The following DCAF6 variants were observed in gnomAD, a reference collection of about 807,000 sequenced individuals.
DCAF6 encodes DDB1 and CUL4 associated factor 6, also known as DDB1- and CUL4-associated factor 6.
In DCAF6, 54 loss-of-function variants were observed where a neutral mutation model predicts 125.1. That is an observed-to-expected ratio of 0.43 (90% CI 0.35 to 0.54). DCAF6 has a LOEUF of 0.54. Among genes scored for constraint, DCAF6 ranks in the 20% least tolerant of loss-of-function variants. The pLI is 0.01. For synonymous variants in DCAF6, 371 were observed against 390.4 expected (o/e 0.95, Z 0.58); for missense variants, 934 against 1,161.7 (o/e 0.80, Z 2.85).
At chr1:167,936,606 G>C (rs2102576728), upstream of DCAF6, 1 of 353,038 alleles carries the variant, frequency 2.8e-6, no homozygotes, top group East Asian at 6.7e-5. Context: ...ACGAGGAGAG[G>C]GAGGAGTCGC....
intron 2 of DCAF6, among the ~76,000 whole-genome samples, chr1:167,956,917 T>C (rs558634367): frequency 6.6e-6 from 1 of 152,304 alleles, no homozygotes; most frequent in East Asian, 1.9e-4. Flanking sequence ...GAGAACATAC[T>C]TTCAATGACT....
intron 7 of DCAF6, among the ~76,000 whole-genome samples, chr1:168,001,636 ATAT>A (rs1199028259): frequency 2.6e-5 from 4 of 152,152 alleles, no homozygotes; most frequent in Non-Finnish European, 5.9e-5. Context: ...TGAAGTTGAA[ATAT>A]TGTTTTTTTT....
intron 11 of DCAF6, among the ~76,000 whole-genome samples, chr1:168,021,522 C>G (rs1465325050): frequency 1.3e-5 from 2 of 152,012 alleles, no homozygotes; most frequent in Non-Finnish European, 2.9e-5. Context: ...AAGTAAAGCA[C>G]GAATAGATTA....
chr1:168,048,580 A>C (rs1010276689), intron 16 of DCAF6, among the ~76,000 whole-genome samples: 14 of 152,210 alleles, frequency 9.2e-5, no homozygotes, highest in African/African-American at 3.4e-4. Flanking sequence ...GAGATCAAGC[A>C]TGAGAAGGAA....
At chr1:167,948,481 C>T (rs759585689) in intron 1 of DCAF6, among the ~76,000 whole-genome samples, 3 of 152,018 alleles carry the variant, frequency 2.0e-5, no homozygotes, top group Non-Finnish European at 4.4e-5. Context: ...CATTTCTTGC[C>T]CCAACCATCT....
At chr1:168,021,350 G>T (rs564103249) in intron 11 of DCAF6, among the ~76,000 whole-genome samples, 2 of 152,148 alleles carry the variant, frequency 1.3e-5, no homozygotes, top group East Asian at 1.9e-4. Context: ...AGATTTTTAG[G>T]AGAGTTTCCC....
the DCAF6 span, among the ~76,000 whole-genome samples, chr1:167,864,915 T>C: frequency 6.9e-6 from 1 of 145,078 alleles, no homozygotes; most frequent in Non-Finnish European, 1.5e-5. Flanking sequence ...AAAAAAGAGC[T>C]GTGGGAAGGC....
At chr1:167,986,617 A>T (rs1423443600) in intron 4 of DCAF6, among the ~76,000 whole-genome samples, 1 of 152,198 alleles carries the variant, frequency 6.6e-6, no homozygotes, top group Non-Finnish European at 1.5e-5. Context: ...TTAGCTTCTC[A>T]TAAGGAGTGC....
the DCAF6 span, among the ~76,000 whole-genome samples, chr1:167,906,750 C>T: frequency 6.6e-6 from 1 of 152,172 alleles, no homozygotes; most frequent in East Asian, 1.9e-4. Flanking sequence ...GATCGTGTCA[C>T]TGCACTCTAT....
At chr1:167,981,263 A>T (rs900347878) in intron 4 of DCAF6, among the ~76,000 whole-genome samples, 11 of 152,078 alleles carry the variant, frequency 7.2e-5, no homozygotes, top group Non-Finnish European at 1.2e-4. Flanking sequence ...TAGATCTTTA[A>T]TCCGTTTTGA....
chr1:168,015,942 C>T lies in DCAF6; in HGVS notation c.1540C>T (p.His514Tyr). The change falls in exon 11 of 22, where the codon CAT becomes TAT. Residue 514 changes from histidine to tyrosine, a missense_variant. This residue lies in a region of DCAF6 where 559 missense variants were observed against 635.5 expected (regional missense o/e 0.88). Coordinates refer to ENST00000367840, the MANE Select transcript of DCAF6 (RefSeq NM_001198956.2). Reference sequence around the variant, plus strand: ...TCATGAGGGCTCTTCACAGGACCCTCATGCTTCAGGTTATTAATGTCAAGT... The same window carrying T: ...TCATGAGGGCTCTTCACAGGACCCTTATGCTTCAGGTTATTAATGTCAAGT... ...SSHEGSSQDP[H>Y]ASDSPSSVVN... 1.3e-6 allele frequency: 2 copies of T among 1,497,744 alleles called. No individual in the cohort carries two copies. Among genetic ancestry groups the T allele is most frequent in the South Asian group, 1.3e-5 (1 of 76,306 alleles). The allele number at this position is 1,497,744 out of a possible 1,614,324, so 92.8% of individuals were successfully genotyped here. A position where few individuals can be genotyped will look rare whatever the true frequency, so the allele number is the denominator to read the frequency against.
chr1:167,942,629 AT>A (rs1672430563), intron 1 of DCAF6, among the ~76,000 whole-genome samples: 1 of 151,872 alleles, frequency 6.6e-6, no homozygotes, highest in Admixed American at 6.6e-5. Context: ...GGTAACAAAG[AT>A]TTTTACTTTT....
intron 1 of DCAF6, among the ~76,000 whole-genome samples, chr1:167,950,070 G>A (rs563974185): frequency 3.8e-4 from 58 of 152,282 alleles, no homozygotes; most frequent in Non-Finnish European, 7.1e-4. Context: ...AAGAGTTCTT[G>A]CTAAAACAGC....
chr1:167,903,792 C>T, the DCAF6 span: 1 of 883,738 alleles, frequency 1.1e-6, no homozygotes, highest in Non-Finnish European at 1.9e-6. Flanking sequence ...AGGAGGAGTG[C>T]TAAGCAATTG....
intron 4 of DCAF6, among the ~76,000 whole-genome samples, chr1:167,976,356 C>G (rs1407054519): frequency 2.0e-5 from 3 of 152,110 alleles, no homozygotes; most frequent in African/African-American, 7.2e-5. Flanking sequence ...GTAATACCAG[C>G]TACTTGGGAG....
Position 167,955,239 on chromosome 1 carries a change from C to T in DCAF6, c.159+3378C>T, listed in dbSNP as rs79823681. Among the ~76,000 whole-genome samples, 1,276 of 152,224 alleles carry T rather than the reference C, an allele frequency of 8.4e-3. 19 individuals carry two copies. The highest frequency in any genetic ancestry group is 0.03 in the African/African-American group (1,228 of 41,528). ...TACAAATAAAGTTGCCATGAATATT[C>T]GTGTTGCGTCTTTGTATGAACATAT... is the stretch of plus-strand genomic sequence containing the variant. On this transcript the variant is annotated intron_variant, in intron 2 of 21. Coordinates refer to ENST00000367840, the MANE Select transcript of DCAF6 (RefSeq NM_001198956.2).
the DCAF6 span, among the ~76,000 whole-genome samples, chr1:167,867,132 A>G: frequency 6.6e-6 from 1 of 152,216 alleles, no homozygotes; most frequent in Non-Finnish European, 1.5e-5. Context: ...GGTATCAGAG[A>G]GCCCAGTTAA....
At chr1:167,989,163 T>C (rs941702690) in intron 5 of DCAF6, among the ~76,000 whole-genome samples, 3 of 152,192 alleles carry the variant, frequency 2.0e-5, no homozygotes, top group Admixed American at 6.5e-5. Context: ...TACACAGATA[T>C]GCAAATAGGG....
At chr1:167,896,800 G>A in the DCAF6 span, 1 of 776,500 alleles carries the variant, frequency 1.3e-6, no homozygotes. Flanking sequence ...ACAGTGATTG[G>A]CACACTTAAA....
Sources: gnomAD v4.1 joint callset for allele counts (sites outside exome capture counted in the v4.1 genomes callset) on GRCh38, gnomAD v4.1.1 for gene constraint, gnomAD v4.1.1 regional missense constraint, MANE v1.5 for transcripts, NCBI Gene and HGNC (gene_info 2026-07-23, HGNC 2026-07-21) for gene names.